Variants in HCK observed in about 807,000 individuals in gnomAD.
HCK encodes HCK proto-oncogene, Src family tyrosine kinase, also known as tyrosine-protein kinase HCK.
A neutral mutation model predicts 70.4 loss-of-function variants in HCK; 40 were observed. That is an observed-to-expected ratio of 0.57 (90% CI 0.44 to 0.74). HCK has a LOEUF of 0.74. Among genes scored for constraint, HCK ranks in the 30% least tolerant of loss-of-function variants. HCK has a pLI of 0.00. For missense variants in HCK, 568 were observed against 697.2 expected, an observed-to-expected ratio of 0.81 and a Z score of 2.09; for synonymous variants, 245 against 263.2, an observed-to-expected ratio of 0.93 and a Z score of 0.67.
chr20:32,078,292 G>A (rs554982876), intron 5 of HCK, among the ~76,000 whole-genome samples: 5 of 149,724 alleles, frequency 3.3e-5, no homozygotes, highest in Admixed American at 6.7e-5. Flanking sequence ...TGATCCACCC[G>A]CCTCGGCCTC....
intron 1 of HCK, among the ~76,000 whole-genome samples, chr20:32,066,036 C>T (rs2122502796): frequency 6.6e-6 from 1 of 152,172 alleles, no homozygotes; most frequent in East Asian, 1.9e-4. Flanking sequence ...GTTGAGGCTG[C>T]TGGTTCTCAC....
At chr20:32,067,384 A>G (rs1429564344) in intron 1 of HCK, among the ~76,000 whole-genome samples, 1 of 151,700 alleles carries the variant, frequency 6.6e-6, no homozygotes, top group East Asian at 1.9e-4. Context: ...CTAACTCCTC[A>G]CTTCCCCTTC....
chr20:32,080,814 G>T (rs993768056), intron 6 of HCK, among the ~76,000 whole-genome samples: 1 of 151,938 alleles, frequency 6.6e-6, no homozygotes, highest in African/African-American at 2.4e-5. Context: ...TTTTGTTTTG[G>T]TTTTTTTAAA....
intron 11 of HCK, 98 bp from the exon 12 acceptor site, chr20:32,098,906 T>C: frequency 2.2e-6 from 3 of 1,345,282 alleles, no homozygotes; most frequent in Non-Finnish European, 3.1e-6. Context: ...CAGGGGCAGA[T>C]GTTGGCAGCT....
intron 5 of HCK, among the ~76,000 whole-genome samples, chr20:32,075,582 A>C (rs2045610172): frequency 6.6e-6 from 1 of 152,160 alleles, no homozygotes; most frequent in Admixed American, 6.5e-5. Flanking sequence ...CTGTGGAAAC[A>C]AATAAGATAT....
chr20:32,084,145 C>T, intron 7 of HCK, 102 bp downstream of exon 7: 1 of 1,308,630 alleles, frequency 7.6e-7, no homozygotes, highest in Non-Finnish European at 1.1e-6. Context: ...CCTTCTTGGC[C>T]ATCCCCTAGA....
intron 1 of HCK, chr20:32,069,768 A>T: frequency 7.8e-7 from 1 of 1,277,718 alleles, no homozygotes; most frequent in South Asian, 1.3e-5. Context: ...CCTTGTAAAT[A>T]AAAGGAATCT....
At chr20:32,065,930 T>C (rs1344463338) in intron 1 of HCK, among the ~76,000 whole-genome samples, 1 of 151,988 alleles carries the variant, frequency 6.6e-6, no homozygotes, top group Non-Finnish European at 1.5e-5. Flanking sequence ...TTGGCTAGAA[T>C]GTTCACATGA....
intron 1 of HCK, among the ~76,000 whole-genome samples, chr20:32,067,804 C>G (rs2045481363): frequency 6.6e-6 from 1 of 151,856 alleles, no homozygotes; most frequent in African/African-American, 2.4e-5. Context: ...GGAGTCATAG[C>G]TGAGATGTGC....
At chr20:32,060,565 G>A (rs779000296) in intron 1 of HCK, among the ~76,000 whole-genome samples, 3 of 152,162 alleles carry the variant, frequency 2.0e-5, no homozygotes, top group Non-Finnish European at 4.4e-5. Context: ...TTGTTTAGAC[G>A]GGAAATCTGG....
At chr20:32,070,059 T>C (rs1332977629) in intron 1 of HCK, among the ~76,000 whole-genome samples, 4 of 152,226 alleles carry the variant, frequency 2.6e-5, no homozygotes, top group Non-Finnish European at 4.4e-5. Context: ...AAATGTGTTT[T>C]GTTTAAGCAT....
chr20:32,062,042 C>T (rs931636682), intron 1 of HCK, among the ~76,000 whole-genome samples: 10 of 149,782 alleles, frequency 6.7e-5, no homozygotes, highest in Non-Finnish European at 8.8e-5. Flanking sequence ...GGGGTTCAAG[C>T]GATTCTCCTG....
chr20:32,061,126 A>G (rs969842902), intron 1 of HCK, among the ~76,000 whole-genome samples: 7 of 152,036 alleles, frequency 4.6e-5, no homozygotes, highest in Non-Finnish European at 7.4e-5. Flanking sequence ...TAGGATTACA[A>G]GCATGCGCCA....
chr20:32,080,378 T>C (rs2045692487), intron 6 of HCK, among the ~76,000 whole-genome samples: 1 of 152,122 alleles, frequency 6.6e-6, no homozygotes, highest in East Asian at 1.9e-4. Flanking sequence ...TTTGTATTTT[T>C]AGTAGAGACA....
At chr20:32,057,660 C>T (rs1483070094) in intron 1 of HCK, among the ~76,000 whole-genome samples, 1 of 152,204 alleles carries the variant, frequency 6.6e-6, no homozygotes, top group Non-Finnish European at 1.5e-5. Context: ...CCCAAAGTCA[C>T]ACAGCAAGTT....
intron 6 of HCK, among the ~76,000 whole-genome samples, chr20:32,081,250 G>A (rs2045705858): frequency 6.6e-6 from 1 of 152,196 alleles, no homozygotes; most frequent in Non-Finnish European, 1.5e-5. Context: ...GAAGCTTTTG[G>A]AAGTTTTAAT....
At chr20:32,097,405 C>A (rs1210472999) in intron 11 of HCK, among the ~76,000 whole-genome samples, 2 of 152,006 alleles carry the variant, frequency 1.3e-5, no homozygotes, top group South Asian at 4.1e-4. Flanking sequence ...CGGTGAAACC[C>A]CATCTCTACT....
At chr20:32,073,646 G>A (rs556221818) in intron 3 of HCK, 70 bp from the exon 4 acceptor site, 22 of 1,049,202 alleles carry the variant, frequency 2.1e-5, no homozygotes, top group South Asian at 8.3e-5. Context: ...TCCAGGTGCC[G>A]GGTGAGGGTC....
intron 1 of HCK, among the ~76,000 whole-genome samples, chr20:32,065,946 C>A (rs1353386338): frequency 1.3e-5 from 2 of 152,224 alleles, no homozygotes; most frequent in Non-Finnish European, 2.9e-5. Context: ...CATGAATCGC[C>A]TGGGAACCTT....
Sources: allele counts gnomAD v4.1 joint callset (sites outside exome capture counted in the v4.1 genomes callset), GRCh38; gene constraint gnomAD v4.1.1; transcripts MANE v1.5; gene names NCBI Gene and HGNC (gene_info 2026-07-23, HGNC 2026-07-21).